Variants in TRIM51G observed in about 807,000 individuals in gnomAD.
TRIM51G encodes tripartite motif-containing 51G, also known as tripartite motif-containing protein 51G.
At chr11:48,980,212 C>T in the TRIM51G span, among the ~76,000 whole-genome samples, 4 of 151,630 alleles carry the variant, frequency 2.6e-5, no homozygotes, top group African/African-American at 7.3e-5. Context: ...ATGAATATTA[C>T]AATAAATTAA....
chr11:48,977,682 T>C, the TRIM51G span, among the ~76,000 whole-genome samples: 1 of 152,140 alleles, frequency 6.6e-6, no homozygotes, highest in South Asian at 2.1e-4. Context: ...CAGAATTATA[T>C]ATTTAAATAT....
chr11:48,980,878 G>A, the TRIM51G span: 2 of 474,392 alleles, frequency 4.2e-6, no homozygotes, highest in Non-Finnish European at 8.7e-6. Flanking sequence ...ATAAGTTCCT[G>A]GAGAAGGTAG....
the TRIM51G span, chr11:48,979,053 A>G: frequency 3.1e-5 from 28 of 889,852 alleles, no homozygotes; most frequent in Admixed American, 5.1e-5. Context: ...AAATGCAACC[A>G]TCTTATGATA....
At chr11:48,976,693 T>G in the TRIM51G span, among the ~76,000 whole-genome samples, 1 of 152,102 alleles carries the variant, frequency 6.6e-6, no homozygotes, top group Non-Finnish European at 1.5e-5. Context: ...TCCAACAAAC[T>G]GCAGTGAACT....
At chr11:48,979,038 T>G in the TRIM51G span, 1 of 1,018,332 alleles carries the variant, frequency 9.8e-7, no homozygotes, top group Non-Finnish European at 1.6e-6. Flanking sequence ...CTCTTCTTCA[T>G]GGAAAAATGC....
At chr11:48,977,057 G>A in the TRIM51G span, 1 of 811,084 alleles carries the variant, frequency 1.2e-6, no homozygotes, top group Non-Finnish European at 2.2e-6. Context: ...ATACATTGTG[G>A]GAATTTTGCC....
the TRIM51G span, chr11:48,979,147 T>C: frequency 1.5e-6 from 1 of 682,952 alleles, no homozygotes; most frequent in Non-Finnish European, 2.8e-6. Context: ...ATCCATCTTC[T>C]CTTGAATTTC....
chr11:48,978,939 T>A, the TRIM51G span: 1 of 1,590,186 alleles, frequency 6.3e-7, no homozygotes, highest in East Asian at 2.2e-5. Context: ...TCTTAAAAGC[T>A]CCCTGGAATG....
chr11:48,979,458 T>C, the TRIM51G span, among the ~76,000 whole-genome samples: 1 of 152,124 alleles, frequency 6.6e-6, no homozygotes, highest in African/African-American at 2.4e-5. Context: ...TTGGGGCAAG[T>C]TATGTAAAAC....
chr11:48,981,116 C>T, the TRIM51G span: 3 of 1,193,108 alleles, frequency 2.5e-6, no homozygotes, highest in South Asian at 1.4e-5. Flanking sequence ...ATAGAGTTTG[C>T]TTTGTTTCTC....
chr11:48,981,556 G>A, the TRIM51G span: 1 of 1,601,312 alleles, frequency 6.2e-7, no homozygotes, highest in Non-Finnish European at 8.5e-7. Flanking sequence ...AGCAAGAACT[G>A]CCATGTCTTG....
At chr11:48,977,662 A>G in the TRIM51G span, among the ~76,000 whole-genome samples, 120 of 152,230 alleles carry the variant, frequency 7.9e-4, no homozygotes, top group African/African-American at 2.8e-3. Flanking sequence ...AGTTTGTTTC[A>G]TCTATTTTTC....
the TRIM51G span, among the ~76,000 whole-genome samples, chr11:48,982,087 C>T: frequency 0.8 from 121,082 of 151,982 alleles, 48,497 homozygotes; most frequent in Non-Finnish European, 0.81. Context: ...AAAACCTACA[C>T]TGGGTAACAA....
At chr11:48,982,755 A>G in the TRIM51G span, among the ~76,000 whole-genome samples, 3 of 148,832 alleles carry the variant, frequency 2.0e-5, no homozygotes, top group Non-Finnish European at 4.5e-5. Context: ...GTGTAGAGTG[A>G]GGACAGATAT....
At chr11:48,976,560 G>A in the TRIM51G span, among the ~76,000 whole-genome samples, 1 of 151,976 alleles carries the variant, frequency 6.6e-6, no homozygotes, top group African/African-American at 2.4e-5. Flanking sequence ...TCTTCATGTT[G>A]TAACTAAACT....
chr11:48,982,509 G>C, the TRIM51G span, among the ~76,000 whole-genome samples: 20 of 152,096 alleles, frequency 1.3e-4, no homozygotes, highest in Non-Finnish European at 2.6e-4. Flanking sequence ...GAGCTGAGTG[G>C]GGAACAGCAA....
At chr11:48,981,154 G>C in the TRIM51G span, 1 of 1,387,858 alleles carries the variant, frequency 7.2e-7, no homozygotes, top group Non-Finnish European at 9.9e-7. Context: ...TGAGAGGTGT[G>C]AAGTCAAGGA....
At chr11:48,979,704 A>G in the TRIM51G span, among the ~76,000 whole-genome samples, 1 of 151,692 alleles carries the variant, frequency 6.6e-6, no homozygotes, top group African/African-American at 2.4e-5. Context: ...TATTTCTCAT[A>G]TATGTACTCA....
the TRIM51G span, chr11:48,979,168 C>T: frequency 1.5e-6 from 1 of 652,482 alleles, no homozygotes; most frequent in African/African-American, 1.8e-5. Flanking sequence ...ACTGATTCCT[C>T]TTAGCATTCT....
Sources: allele counts gnomAD v4.1 joint callset (sites outside exome capture counted in the v4.1 genomes callset), GRCh38; gene constraint gnomAD v4.1.1; transcripts MANE v1.5; gene names NCBI Gene and HGNC (gene_info 2026-07-23, HGNC 2026-07-21).